Variants in L3MBTL4 observed in about 807,000 individuals in gnomAD.
The protein encoded by L3MBTL4 is L3MBTL histone methyl-lysine binding protein 4.
Under a neutral mutation model 84.5 loss-of-function variants are expected in L3MBTL4, and 70 were observed. The observed-to-expected ratio is 0.83, with a 90% CI of 0.68 to 1.01. The LOEUF (loss-of-function observed/expected upper bound fraction) is 1.01. L3MBTL4 is among the 50% of genes least tolerant of loss of function. The pLI is 0.00. For missense variants in L3MBTL4, 715 were observed against 754.8 expected (o/e 0.95, Z 0.62); for synonymous variants, 274 against 259.8 (o/e 1.05, Z -0.52).
intron 16 of L3MBTL4, among the ~76,000 whole-genome samples, chr18:5,994,092 T>C (rs555247768): frequency 6.6e-5 from 10 of 152,304 alleles, no homozygotes; most frequent in African/African-American, 2.4e-4. Context: ...ATCTGCACCA[T>C]CTACCTCCCT....
intron 5 of L3MBTL4, among the ~76,000 whole-genome samples, chr18:6,252,591 G>C (rs1246697803): frequency 6.6e-6 from 1 of 152,146 alleles, no homozygotes; most frequent in Non-Finnish European, 1.5e-5. Flanking sequence ...TGTTAAAAAT[G>C]TTAAATGACA....
At chr18:6,003,074 A>AAG (rs1252261934) in intron 16 of L3MBTL4, among the ~76,000 whole-genome samples, 117 of 107,204 alleles carry the variant, frequency 1.1e-3, no homozygotes, top group Admixed American at 2.3e-3. Context: ...CTATTTATAG[A>AAG]GATACTATAT....
intron 15 of L3MBTL4, among the ~76,000 whole-genome samples, chr18:6,086,051 T>C (rs2058249194): frequency 1.3e-5 from 2 of 152,236 alleles, no homozygotes; most frequent in Non-Finnish European, 2.9e-5. Flanking sequence ...TGTTTTTAGT[T>C]TTTATTTTCT....
At chr18:6,258,958 G>A (rs1189919434) in intron 5 of L3MBTL4, among the ~76,000 whole-genome samples, 1 of 151,966 alleles carries the variant, frequency 6.6e-6, no homozygotes, top group Admixed American at 6.6e-5. Context: ...GGTTGGGCAT[G>A]CAAGTAGAAA....
At chr18:6,343,997 GAA>G (rs34939798) in intron 1 of L3MBTL4, among the ~76,000 whole-genome samples, 15 of 106,282 alleles carry the variant, frequency 1.4e-4, no homozygotes, top group African/African-American at 2.4e-4. Context: ...GGAGCTAGAG[GAA>G]AAAAAAAAAA....
chr18:6,368,653 G>T (rs1162984791), intron 1 of L3MBTL4, among the ~76,000 whole-genome samples: 2 of 152,152 alleles, frequency 1.3e-5, no homozygotes, highest in African/African-American at 4.8e-5. Flanking sequence ...GTGGTCCCTT[G>T]ACTTTAGGAG....
chr18:6,279,033 A>T (rs75879232), intron 4 of L3MBTL4, among the ~76,000 whole-genome samples: 1,783 of 152,230 alleles, frequency 0.012, 34 homozygotes, highest in African/African-American at 0.041. Flanking sequence ...AGGGGCGGTG[A>T]TTTGATAAGG....
rs530779350 is a variant in L3MBTL4, at chr18:6,135,415, C to T, written c.1199+2779G>A. ...TCAAAAAATGGGTTTTTCTTTTCTA[C>T]TGCATCATCAGGCTGCAAATTTTCT... On this transcript the variant is annotated intron_variant, in intron 14 of 18. Coordinates refer to ENST00000317931, the MANE Select transcript of L3MBTL4 (RefSeq NM_001330559.2). 2.2e-4 allele frequency among the ~76,000 whole-genome samples: 34 copies of T among 152,314 alleles called. No homozygotes were observed. In the South Asian group the frequency reaches 6.4e-3, roughly 29 times the overall value.
At chr18:6,030,360 C>G in intron 16 of L3MBTL4, 2 of 985,302 alleles carry the variant, frequency 2.0e-6, no homozygotes, top group Non-Finnish European at 2.4e-6. Context: ...AGCAAAAATC[C>G]TAGTCTGGGA....
At chr18:6,211,572 A>G (rs2046103778) in intron 12 of L3MBTL4, among the ~76,000 whole-genome samples, 1 of 152,224 alleles carries the variant, frequency 6.6e-6, no homozygotes. Context: ...ATGAATAATA[A>G]GAAAACAGTC....
At chr18:6,172,580 T>TC (rs1467916838) in intron 12 of L3MBTL4, among the ~76,000 whole-genome samples, 1 of 152,136 alleles carries the variant, frequency 6.6e-6, no homozygotes, top group African/African-American at 2.4e-5. Flanking sequence ...GGTCCAGCCA[T>TC]CCTACTGGTA....
At chr18:6,335,175 C>CCGT (rs1326525752) in intron 1 of L3MBTL4, among the ~76,000 whole-genome samples, 1 of 152,168 alleles carries the variant, frequency 6.6e-6, no homozygotes, top group Admixed American at 6.5e-5. Context: ...ACTGCAACCT[C>CCGT]CGTCTCCTGG....
At chr18:6,410,888 C>T (rs2055938362) in intron 1 of L3MBTL4, among the ~76,000 whole-genome samples, 2 of 152,156 alleles carry the variant, frequency 1.3e-5, no homozygotes, top group South Asian at 2.1e-4. Flanking sequence ...GAGATCAACA[C>T]AAAATGAAGA....
chr18:6,119,723 T>C (rs1416124037), intron 14 of L3MBTL4, among the ~76,000 whole-genome samples: 1 of 152,204 alleles, frequency 6.6e-6, no homozygotes, highest in African/African-American at 2.4e-5. Context: ...CCAGGTTTAA[T>C]TCAAGGTAAA....
Position 6,311,934 on chromosome 18 carries a change from T to C in L3MBTL4, c.-32+64A>G, listed in dbSNP as rs1415574345. ...TTATCTGGGATAAAATGTTTGCTTT[T>C]TTGCTTAGCTGACCTAACCAATTAG... On this transcript the variant is annotated intron_variant, in intron 2 of 18. Transcript: ENST00000317931. 3 of 278,062 alleles carry C rather than the reference T, an allele frequency of 1.1e-5. No individual in the cohort carries two copies. The East Asian group carries it at 2.6e-4, about 24-fold the overall frequency. 17.2% of individuals were successfully genotyped at this position (278,062 alleles called of 1,614,324 possible). A position where few individuals can be genotyped will look rare whatever the true frequency, so the allele number is the denominator to read the frequency against.
intron 16 of L3MBTL4, among the ~76,000 whole-genome samples, chr18:6,061,864 G>A (rs181187586): frequency 1.7e-4 from 26 of 151,800 alleles, no homozygotes; most frequent in African/African-American, 2.2e-4. Flanking sequence ...TTCTACTAGC[G>A]CTATACCATG....
At chr18:6,121,969 T>C (rs1430235839) in intron 14 of L3MBTL4, among the ~76,000 whole-genome samples, 2 of 152,166 alleles carry the variant, frequency 1.3e-5, no homozygotes, top group Non-Finnish European at 2.9e-5. Context: ...GTTCTGCATA[T>C]ACATCCGGGA....
Position 6,335,904 on chromosome 18 carries a change from T to A in L3MBTL4, c.-90-23848A>T, listed in dbSNP as rs1033367843. Among the ~76,000 whole-genome samples, 3 of 152,194 alleles carry A rather than the reference T, an allele frequency of 2.0e-5. No individual in the cohort carries two copies. In the South Asian group the frequency reaches 6.2e-4, roughly 31 times the overall value. On this transcript the variant is annotated intron_variant, in intron 1 of 18. Transcript: ENST00000317931. ...TCCTTTGTTTATAAATTACCCAGTC[T>A]CAGGTAATATCTTTATAGCAGTGTG...
At chr18:6,040,269 G>A (rs2056341401) in intron 16 of L3MBTL4, among the ~76,000 whole-genome samples, 1 of 152,100 alleles carries the variant, frequency 6.6e-6, no homozygotes. Context: ...TCAACCAGAA[G>A]CAATTTTGTC....
Sources: gnomAD v4.1 joint callset for allele counts (sites outside exome capture counted in the v4.1 genomes callset) on GRCh38, gnomAD v4.1.1 for gene constraint, MANE v1.5 for transcripts, NCBI Gene and HGNC (gene_info 2026-07-23, HGNC 2026-07-21) for gene names.